ANK2: variants seen among roughly 807,000 people sequenced by gnomAD.
The protein encoded by ANK2 is ankyrin 2.
Under a neutral mutation model 360.5 loss-of-function variants are expected in ANK2, and 83 were observed. That is an observed-to-expected ratio of 0.23 (90% CI 0.19 to 0.28). The LOEUF (loss-of-function observed/expected upper bound fraction) is 0.28. ANK2 is among the 10% of genes least tolerant of loss of function. The pLI is 1.00. For synonymous variants in ANK2, 1,740 were observed against 1,759.5 expected (o/e 0.99, Z 0.28); for missense variants, 4,201 against 4,795.7 (o/e 0.88, Z 3.66).
intron 40 of ANK2, among the ~76,000 whole-genome samples, chr4:113,364,214 C>A (rs2096405060): frequency 6.6e-6 from 1 of 152,114 alleles, no homozygotes; most frequent in South Asian, 2.1e-4. Context: ...GTTTATTAGT[C>A]TTTCTTAAAT....
At chr4:112,895,840 T>C (rs943254979) in intron 1 of ANK2, among the ~76,000 whole-genome samples, 1 of 152,190 alleles carries the variant, frequency 6.6e-6, no homozygotes, top group Non-Finnish European at 1.5e-5. Flanking sequence ...TCAAAAATAG[T>C]GTTCTTGGTT....
intron 5 of ANK2, 35 bp downstream of exon 5, chr4:113,232,294 G>A: frequency 7.0e-7 from 1 of 1,433,428 alleles, no homozygotes; most frequent in Non-Finnish European, 9.8e-7. Context: ...TGAATTCTTT[G>A]ATCTTAATGT....
the ANK2 span, among the ~76,000 whole-genome samples, chr4:112,811,547 T>G: frequency 6.6e-6 from 1 of 152,182 alleles, no homozygotes; most frequent in Non-Finnish European, 1.5e-5. Flanking sequence ...ATTATAAAGT[T>G]ACGATTTCCC....
chr4:113,101,190 C>T (rs759735709), intron 1 of ANK2, among the ~76,000 whole-genome samples: 4 of 151,966 alleles, frequency 2.6e-5, no homozygotes, highest in Non-Finnish European at 5.9e-5. Context: ...AACATTTTTC[C>T]GAATTATAGA....
At chr4:112,916,291 T>C (rs2089802502) in intron 2 of ANK2, among the ~76,000 whole-genome samples, 1 of 152,170 alleles carries the variant, frequency 6.6e-6, no homozygotes, top group Admixed American at 6.5e-5. Context: ...CCTTTTTCAG[T>C]TATTGAAAGT....
intron 1 of ANK2, among the ~76,000 whole-genome samples, chr4:112,818,968 C>G (rs1427835383): frequency 1.3e-5 from 2 of 152,100 alleles, no homozygotes; most frequent in African/African-American, 4.8e-5. Flanking sequence ...ATACAGATTT[C>G]TGAGCAGTGT....
At chr4:113,152,378 TACTC>T (rs1429661800) in intron 1 of ANK2, 1 of 152,160 alleles carries the variant, frequency 6.6e-6, no homozygotes, top group African/African-American at 2.4e-5. Context: ...CTGTGCCTCT[TACTC>T]ACTTTTAGTT....
chr4:113,159,230 CT>C (rs2097421831), intron 1 of ANK2, among the ~76,000 whole-genome samples: 2 of 147,112 alleles, frequency 1.4e-5, no homozygotes, highest in South Asian at 2.2e-4. Flanking sequence ...CACACACACA[CT>C]AGTTTATATT....
chr4:113,004,531 C>T (rs781428917), intron 2 of ANK2, among the ~76,000 whole-genome samples: 2 of 152,206 alleles, frequency 1.3e-5, no homozygotes, highest in Non-Finnish European at 2.9e-5. Context: ...ACACATGGAG[C>T]TGTCATCTCC....
At chr4:112,858,824 A>G (rs1229016237) in intron 1 of ANK2, among the ~76,000 whole-genome samples, 1 of 152,148 alleles carries the variant, frequency 6.6e-6, no homozygotes. Flanking sequence ...CTATTTGACC[A>G]TTCAACAACT....
chr4:112,928,120 C>T (rs1398716997), intron 2 of ANK2, among the ~76,000 whole-genome samples: 1 of 152,092 alleles, frequency 6.6e-6, no homozygotes, highest in Non-Finnish European at 1.5e-5. Context: ...TGATAACCTG[C>T]TTATTAAATT....
chr4:113,183,418 A>T (rs2098454881), intron 2 of ANK2, among the ~76,000 whole-genome samples: 1 of 152,162 alleles, frequency 6.6e-6, no homozygotes, highest in Non-Finnish European at 1.5e-5. Context: ...ATGGGATCAC[A>T]TGGAGAGTTA....
intron 1 of ANK2, among the ~76,000 whole-genome samples, chr4:113,112,984 G>A (rs1267148986): frequency 6.6e-6 from 1 of 152,090 alleles, no homozygotes; most frequent in African/African-American, 2.4e-5. Context: ...TATCAAATTG[G>A]CTTTTGGGTT....
At chr4:113,007,133 G>A (rs139409430) in intron 2 of ANK2, among the ~76,000 whole-genome samples, 390 of 152,172 alleles carry the variant, frequency 2.6e-3, no homozygotes, top group East Asian at 0.019. Flanking sequence ...TACATACTTT[G>A]CTCAAATGTT....
chr4:112,936,676 T>G (rs2093755815), intron 2 of ANK2, among the ~76,000 whole-genome samples: 1 of 152,210 alleles, frequency 6.6e-6, no homozygotes, highest in East Asian at 1.9e-4. Flanking sequence ...GTTTTAGTCT[T>G]GCAAACTTAT....
chr4:112,708,700 C>T, the ANK2 span, among the ~76,000 whole-genome samples: 2 of 152,054 alleles, frequency 1.3e-5, no homozygotes, highest in Non-Finnish European at 2.9e-5. Flanking sequence ...CTTATAGGGT[C>T]CTTTCCATGT....
intron 2 of ANK2, among the ~76,000 whole-genome samples, chr4:112,922,868 G>A (rs1022342568): frequency 6.6e-6 from 1 of 152,086 alleles, no homozygotes; most frequent in Non-Finnish European, 1.5e-5. Context: ...CAGTAGAAGA[G>A]GAAATAAAGT....
intron 7 of ANK2, among the ~76,000 whole-genome samples, chr4:113,239,693 T>G (rs1406224154): frequency 6.6e-6 from 1 of 152,172 alleles, no homozygotes; most frequent in Non-Finnish European, 1.5e-5. Context: ...TTTGATAATT[T>G]CAGACTTATT....
chr4:113,179,933 A>G (rs1293023864), intron 2 of ANK2, among the ~76,000 whole-genome samples: 2 of 152,354 alleles, frequency 1.3e-5, no homozygotes, highest in African/African-American at 2.4e-5. Context: ...ATTTAATACA[A>G]TCCTGGATAT....
Sources: allele counts gnomAD v4.1 joint callset (sites outside exome capture counted in the v4.1 genomes callset), GRCh38; gene constraint gnomAD v4.1.1; transcripts MANE v1.5; gene names NCBI Gene and HGNC (gene_info 2026-07-23, HGNC 2026-07-21).